Variants in KLF12 observed in about 807,000 individuals in gnomAD.
KLF12 encodes KLF transcription factor 12, also known as Krueppel-like factor 12.
In KLF12, 9 loss-of-function variants were observed where a neutral mutation model predicts 37.8. That is an observed-to-expected ratio of 0.24 (90% CI 0.14 to 0.42). KLF12 has a LOEUF of 0.42. Among genes scored for constraint, KLF12 ranks in the 10% least tolerant of loss-of-function variants. KLF12 has a pLI of 1.00. For missense variants in KLF12, 411 were observed against 516.0 expected, an observed-to-expected ratio of 0.80 and a Z score of 1.97; for synonymous variants, 208 against 202.1, an observed-to-expected ratio of 1.03 and a Z score of -0.25.
chr13:73,715,748 T>A (rs1193771162), intron 6 of KLF12, among the ~76,000 whole-genome samples: 2 of 152,156 alleles, frequency 1.3e-5, no homozygotes, highest in Non-Finnish European at 2.9e-5. Flanking sequence ...GAGAAAGACA[T>A]GCTTCAAACA....
chr13:73,985,032 CCCCA>C (rs1335207618), intron 2 of KLF12, among the ~76,000 whole-genome samples: 1 of 13,856 alleles, frequency 7.2e-5, no homozygotes, highest in African/African-American at 8.1e-5. Flanking sequence ...GGTGTTATCC[CCCCA>C]CCCACCTTCC....
At chr13:73,969,026 C>G (rs563287812) in intron 2 of KLF12, among the ~76,000 whole-genome samples, 29 of 40,376 alleles carry the variant, frequency 7.2e-4, no homozygotes, top group Non-Finnish European at 1.4e-3. Context: ...TTACCCCATA[C>G]TTTAAAAAAA....
At chr13:74,293,320 T>C in the KLF12 span, among the ~76,000 whole-genome samples, 1 of 152,164 alleles carries the variant, frequency 6.6e-6, no homozygotes, top group East Asian at 1.9e-4. Flanking sequence ...CTACTATTTT[T>C]TCCCCCTTCA....
chr13:73,759,258 T>C (rs908613654), intron 6 of KLF12, among the ~76,000 whole-genome samples: 2 of 152,190 alleles, frequency 1.3e-5, no homozygotes, highest in Admixed American at 1.3e-4. Flanking sequence ...AAAAAGACCA[T>C]GAAGGCTTTG....
At chr13:73,787,702 A>G (rs950918324) in intron 5 of KLF12, among the ~76,000 whole-genome samples, 2 of 152,174 alleles carry the variant, frequency 1.3e-5, no homozygotes, top group East Asian at 3.8e-4. Context: ...TCCACAGTAT[A>G]TGTAGTGGGC....
rs561523966 is a variant in KLF12, at chr13:73,951,716, T to C, written c.34-7646A>G. ...ACCTACAGCAGGTGCCTCTAACCAC[T>C]TCCCCAACCCCATTGTCCACCATTC... On this transcript the variant is annotated intron_variant, in intron 2 of 7. Coordinates refer to ENST00000377669, the MANE Select transcript of KLF12 (RefSeq NM_007249.5). Among the ~76,000 whole-genome samples, 5 of 152,310 alleles carry C rather than the reference T, an allele frequency of 3.3e-5. No individual in the cohort carries two copies. The South Asian group carries it at 8.3e-4, about 25-fold the overall frequency.
intron 1 of KLF12, among the ~76,000 whole-genome samples, chr13:74,048,565 A>AG (rs1328457474): frequency 2.0e-5 from 3 of 152,216 alleles, no homozygotes; most frequent in Admixed American, 1.3e-4. Flanking sequence ...TTGAGAGTAG[A>AG]GCTTTATCAT....
intron 3 of KLF12, among the ~76,000 whole-genome samples, chr13:73,864,311 T>TA: frequency 6.6e-6 from 1 of 152,172 alleles, no homozygotes; most frequent in Non-Finnish European, 1.5e-5. Flanking sequence ...CTCATAGTTG[T>TA]ACTTTACCAG....
At chr13:74,090,621 T>C (rs1875595249) in intron 1 of KLF12, among the ~76,000 whole-genome samples, 1 of 151,984 alleles carries the variant, frequency 6.6e-6, no homozygotes. Context: ...CAATTTTCCA[T>C]GTGCTTAGTT....
At chr13:73,823,616 T>C (rs896740934) in intron 4 of KLF12, among the ~76,000 whole-genome samples, 4 of 152,228 alleles carry the variant, frequency 2.6e-5, no homozygotes, top group African/African-American at 9.6e-5. Flanking sequence ...TCTAAGACTA[T>C]CAAAAATCCT....
At chr13:74,087,117 G>A (rs557566897) in intron 1 of KLF12, among the ~76,000 whole-genome samples, 1 of 152,234 alleles carries the variant, frequency 6.6e-6, no homozygotes, top group East Asian at 1.9e-4. Context: ...CCTTGAGGAT[G>A]ATGACAAGCT....
At chr13:74,268,355 T>C in the KLF12 span, among the ~76,000 whole-genome samples, 1 of 152,186 alleles carries the variant, frequency 6.6e-6, no homozygotes, top group Non-Finnish European at 1.5e-5. Context: ...GATTTGTTTT[T>C]TCTGCCTATT....
chr13:74,249,726 CTGT>C, the KLF12 span, among the ~76,000 whole-genome samples: 1 of 152,100 alleles, frequency 6.6e-6, no homozygotes, highest in Non-Finnish European at 1.5e-5. Flanking sequence ...GTGTTCTCTG[CTGT>C]TGTTTTGAGG....
rs560684319 is a variant in KLF12 at position 73,706,154 on chromosome 13, A to AAAAC, written c.1027+9210_1027+9213dup. On this transcript the variant is annotated intron_variant, in intron 7 of 7. Coordinates refer to ENST00000377669, the MANE Select transcript of KLF12 (RefSeq NM_007249.5). The stretch of plus-strand genomic sequence containing the variant: ...TGGCGACAGAGTGAGACTCCATCTC[A>AAAAC]AAACAAACAAACAAACAAACAAACA... Among the ~76,000 whole-genome samples the AAAAC allele has an allele frequency of 6.2e-3, 951 of 152,170 alleles. 8 individuals carry two copies. Among genetic ancestry groups the AAAAC allele is most frequent in the African/African-American group, 0.02 (844 of 41,510 alleles).
intron 1 of KLF12, among the ~76,000 whole-genome samples, chr13:74,028,318 T>C (rs924855960): frequency 2.0e-5 from 3 of 152,200 alleles, no homozygotes; most frequent in African/African-American, 7.2e-5. Flanking sequence ...AAAACTGTAA[T>C]GGACTAGCAT....
rs559102355 is a variant in KLF12, at chr13:74,091,811, T to C, written c.-32+41928A>G. On this transcript the variant is annotated intron_variant, in intron 1 of 7. Transcript: ENST00000377669. ...CAAGAGTGAATCCTAATGTACACTA[T>C]TTATTTTGGGTGATAATACATCAAT... Among the ~76,000 whole-genome samples the C allele has an allele frequency of 6.8e-4, 104 of 152,252 alleles. 1 individual carries two copies. The highest frequency in any genetic ancestry group is 2.5e-3 in the African/African-American group (102 of 41,548).
At chr13:74,261,362 G>A in the KLF12 span, among the ~76,000 whole-genome samples, 21 of 151,950 alleles carry the variant, frequency 1.4e-4, no homozygotes, top group African/African-American at 3.9e-4. Context: ...TAATATATAC[G>A]CAGAATTTTT....
the KLF12 span, among the ~76,000 whole-genome samples, chr13:74,280,804 C>T: frequency 4.0e-5 from 6 of 149,676 alleles, no homozygotes; most frequent in African/African-American, 1.5e-4. Flanking sequence ...CTACACCATA[C>T]TCATCTTTTT....
At chr13:74,156,089 A>G in the KLF12 span, among the ~76,000 whole-genome samples, 2 of 152,204 alleles carry the variant, frequency 1.3e-5, no homozygotes, top group Non-Finnish European at 2.9e-5. Context: ...CATCCTTCAG[A>G]TGCTGTGTTG....
Sources: gnomAD v4.1 joint callset for allele counts (sites outside exome capture counted in the v4.1 genomes callset) on GRCh38, gnomAD v4.1.1 for gene constraint, MANE v1.5 for transcripts, NCBI Gene and HGNC (gene_info 2026-07-23, HGNC 2026-07-21) for gene names.